The following PDE11A variants were observed in gnomAD, a reference collection of about 807,000 sequenced individuals.
PDE11A encodes the protein phosphodiesterase 11A.
Under a neutral mutation model 100.5 loss-of-function variants are expected in PDE11A, and 100 were observed. The observed-to-expected ratio is 1.00, with a 90% CI of 0.85 to 1.18. The LOEUF is 1.18. Ranked by LOEUF, PDE11A falls within the 50% of genes most tolerant of loss-of-function variation. The pLI is 0.00. For missense variants in PDE11A, 1,141 were observed against 1,152.6 expected (o/e 0.99, Z 0.15); for synonymous variants, 381 against 420.8 (o/e 0.91, Z 1.16).
intron 1 of PDE11A, among the ~76,000 whole-genome samples, chr2:178,065,629 A>G (rs1254739836): frequency 6.6e-6 from 1 of 152,176 alleles, no homozygotes; most frequent in Non-Finnish European, 1.5e-5. Flanking sequence ...GCTAGTGAAC[A>G]TGTTTGCGCG....
intron 6 of PDE11A, among the ~76,000 whole-genome samples, chr2:177,820,684 G>A (rs1490913283): frequency 1.3e-5 from 2 of 151,884 alleles, no homozygotes; most frequent in African/African-American, 4.8e-5. Context: ...ATCTTTGACT[G>A]GGTGCACTTG....
intron 2 of PDE11A, among the ~76,000 whole-genome samples, chr2:178,080,652 AG>A (rs893362189): frequency 8.6e-4 from 131 of 152,314 alleles, no homozygotes; most frequent in African/African-American, 2.9e-3. Flanking sequence ...TAATCATTCC[AG>A]CACTGCACTG....
intron 9 of PDE11A, among the ~76,000 whole-genome samples, chr2:177,779,992 T>A (rs1194984581): frequency 1.3e-5 from 2 of 152,214 alleles, no homozygotes; most frequent in African/African-American, 4.8e-5. Flanking sequence ...ACTCTTGATC[T>A]ATGGGCTGCA....
At chr2:177,841,318 T>C (rs1376106598) in intron 5 of PDE11A, among the ~76,000 whole-genome samples, 1 of 152,212 alleles carries the variant, frequency 6.6e-6, no homozygotes, top group Admixed American at 6.5e-5. Flanking sequence ...GTCTGATTTG[T>C]CGCTTGGCAA....
At chr2:177,972,425 G>T (rs951440272) in intron 2 of PDE11A, among the ~76,000 whole-genome samples, 4 of 152,224 alleles carry the variant, frequency 2.6e-5, no homozygotes, top group African/African-American at 7.2e-5. Context: ...CAGTGAAGTG[G>T]TGGGGAGAAA....
At chr2:177,923,470 T>G (rs1047497458) in intron 2 of PDE11A, among the ~76,000 whole-genome samples, 8 of 152,212 alleles carry the variant, frequency 5.3e-5, no homozygotes, top group African/African-American at 1.9e-4. Context: ...ATTAAAATTC[T>G]GACCCATCCT....
intron 2 of PDE11A, among the ~76,000 whole-genome samples, chr2:178,001,224 T>G (rs2086141293): frequency 6.6e-6 from 1 of 152,010 alleles, no homozygotes; most frequent in Non-Finnish European, 1.5e-5. Context: ...TACTGCATGC[T>G]GTCCTGATGT....
At chr2:178,054,266 A>T (rs1002197380) in intron 1 of PDE11A, among the ~76,000 whole-genome samples, 3 of 152,214 alleles carry the variant, frequency 2.0e-5, no homozygotes, top group Middle Eastern at 3.2e-3. Context: ...CCTATTTAGC[A>T]AATGGTGCTG....
intron 2 of PDE11A, among the ~76,000 whole-genome samples, chr2:177,952,449 G>A (rs1574303940): frequency 6.6e-6 from 1 of 152,116 alleles, no homozygotes; most frequent in East Asian, 1.9e-4. Flanking sequence ...GAATCTTGAG[G>A]GAGGCAACAC....
At chr2:177,905,226 A>G in intron 2 of PDE11A, 39 bp from the exon 3 acceptor site, 1 of 1,092,576 alleles carries the variant, frequency 9.2e-7, no homozygotes, top group East Asian at 2.4e-5. Flanking sequence ...AAAACATAAG[A>G]ACATTGATAC....
intron 2 of PDE11A, among the ~76,000 whole-genome samples, chr2:177,946,463 G>A (rs2085432131): frequency 3.8e-5 from 1 of 26,028 alleles, no homozygotes; most frequent in East Asian, 1.5e-3. Flanking sequence ...AGGTGGGGGG[G>A]TCAGCCCCCC....
chr2:177,804,624 T>C (rs1178473366), intron 9 of PDE11A, among the ~76,000 whole-genome samples: 3 of 151,972 alleles, frequency 2.0e-5, no homozygotes, highest in Non-Finnish European at 4.4e-5. Flanking sequence ...CCTGCACCCA[T>C]ATATTTATCA....
chr2:177,972,663 G>A (rs183335231), intron 2 of PDE11A, among the ~76,000 whole-genome samples: 7 of 152,264 alleles, frequency 4.6e-5, no homozygotes, highest in Admixed American at 1.3e-4. Context: ...TAAAGAAGAT[G>A]GGTGGGCAAA....
intron 1 of PDE11A, among the ~76,000 whole-genome samples, chr2:178,044,133 C>G (rs1010384294): frequency 6.6e-6 from 1 of 151,992 alleles, no homozygotes; most frequent in South Asian, 2.1e-4. Context: ...AATATATTAG[C>G]AAAGATTGAC....
chr2:177,930,578 C>T (rs1224394498), intron 2 of PDE11A, among the ~76,000 whole-genome samples: 2 of 152,194 alleles, frequency 1.3e-5, no homozygotes, highest in Non-Finnish European at 2.9e-5. Context: ...AACTGAAAAA[C>T]AGCCTCCATG....
intron 16 of PDE11A, among the ~76,000 whole-genome samples, chr2:177,676,630 C>G (rs1193503952): frequency 6.6e-6 from 1 of 152,188 alleles, no homozygotes; most frequent in Non-Finnish European, 1.5e-5. Context: ...ATCAGCAGCC[C>G]TCTCAACTCG....
chr2:177,901,903 T>C (rs1408846491), intron 3 of PDE11A, among the ~76,000 whole-genome samples: 2 of 152,204 alleles, frequency 1.3e-5, no homozygotes, highest in Admixed American at 6.5e-5. Context: ...AGAGGAAAAA[T>C]TAATTGTGCC....
At chr2:177,942,849 T>C (rs974127742) in intron 2 of PDE11A, among the ~76,000 whole-genome samples, 4 of 152,222 alleles carry the variant, frequency 2.6e-5, no homozygotes, top group African/African-American at 9.7e-5. Flanking sequence ...ACTGAAACTT[T>C]ATACCCATTA....
At chr2:177,718,533 T>C (rs1259912752) in intron 12 of PDE11A, among the ~76,000 whole-genome samples, 1 of 152,246 alleles carries the variant, frequency 6.6e-6, no homozygotes, top group African/African-American at 2.4e-5. Context: ...AGTTTAAATA[T>C]GGCTCTGTCA....
Sources: gnomAD v4.1 joint callset for allele counts (sites outside exome capture counted in the v4.1 genomes callset) on GRCh38, gnomAD v4.1.1 for gene constraint, MANE v1.5 for transcripts, NCBI Gene and HGNC (gene_info 2026-07-23, HGNC 2026-07-21) for gene names.